TMEM167A: variants seen among roughly 807,000 people sequenced by gnomAD.
TMEM167A encodes the protein transmembrane protein 167A.
A neutral mutation model predicts 11.6 loss-of-function variants in TMEM167A; 8 were observed. That is an observed-to-expected ratio of 0.69 (90% CI 0.40 to 1.24). The LOEUF (loss-of-function observed/expected upper bound fraction) is 1.24. Among genes scored for constraint, TMEM167A ranks in the 50% most tolerant of loss-of-function variants. The pLI is 0.01. For synonymous variants in TMEM167A, 22 were observed against 28.0 expected (o/e 0.79, Z 0.67); for missense variants, 62 against 87.0 (o/e 0.71, Z 1.14).
At chr5:83,062,686 A>G (rs1424720557) in intron 2 of TMEM167A, among the ~76,000 whole-genome samples, 4 of 152,116 alleles carry the variant, frequency 2.6e-5, no homozygotes, top group Non-Finnish European at 4.4e-5. Flanking sequence ...TATCTTAAAA[A>G]ATAACACTAA....
At chr5:83,061,568 A>G (rs1019534917) in intron 3 of TMEM167A, among the ~76,000 whole-genome samples, 2 of 151,986 alleles carry the variant, frequency 1.3e-5, no homozygotes, top group African/African-American at 4.8e-5. Flanking sequence ...ATGCCCAGCT[A>G]ACTTTTAGTA....
intron 3 of TMEM167A, among the ~76,000 whole-genome samples, chr5:83,057,612 GGGGA>G (rs1744350925): frequency 6.6e-6 from 1 of 152,052 alleles, no homozygotes; most frequent in East Asian, 1.9e-4. Flanking sequence ...TACAGGGAAG[GGGGA>G]GCATTCATGG....
chr5:83,057,217 T>C, intron 3 of TMEM167A, 63 bp from the exon 4 acceptor site: 2 of 1,437,742 alleles, frequency 1.4e-6, no homozygotes, highest in Non-Finnish European at 1.9e-6. Context: ...TATGACAAGG[T>C]TATACTACCA....
intron 1 of TMEM167A, among the ~76,000 whole-genome samples, chr5:83,069,192 T>C (rs760315760): frequency 4.6e-5 from 7 of 152,174 alleles, no homozygotes; most frequent in Non-Finnish European, 8.8e-5. Context: ...GTCTTTTAGA[T>C]GTACTCAGAC....
In TMEM167A at chr5:83,059,133, CAA is replaced by C. The variant is rs1486633262; in HGVS notation, c.149-1981_149-1980del. Among the ~76,000 whole-genome samples the C allele has an allele frequency of 2.9e-5, 4 of 138,440 alleles. No individual in the cohort carries two copies. In the East Asian group the frequency reaches 6.3e-4, roughly 22 times the overall value. The allele number at this position is 138,440 out of a possible 152,430, so 90.8% of individuals were successfully genotyped here. On this transcript the variant is annotated intron_variant, in intron 3 of 3. Coordinates refer to ENST00000502346, the MANE Select transcript of TMEM167A (RefSeq NM_174909.5). ...ATTCAACCTATAGCATTCATACAGTCAAGAGAGGAAAATGGAAATAATAAATA... is the reference window on the plus strand; with the variant it reads ...ATTCAACCTATAGCATTCATACAGTCGAGAGGAAAATGGAAATAATAAATA...
rs1473090235 is a variant in TMEM167A at position 83,054,957 on chromosome 5, C to G, written c.*2127G>C. The G allele has an allele frequency of 6.6e-6, 1 of 151,964 alleles. No homozygotes were observed. The highest frequency in any genetic ancestry group is 2.4e-5 in the African/African-American group (1 of 41,408). The allele number at this position is 151,964 out of a possible 1,614,324, so 9.4% of individuals were successfully genotyped here. A position where few individuals can be genotyped will look rare whatever the true frequency, so the allele number is the denominator to read the frequency against. On this transcript the variant is annotated 3_prime_UTR_variant, in exon 4 of 4. Coordinates refer to ENST00000502346, the MANE Select transcript of TMEM167A (RefSeq NM_174909.5). ...TCAATATTCTGTGGGCTTAAAACCA[C>G]CTACACTGCCCCTTGGGTTAGAGAA...
chr5:83,059,203 C>T (rs960992127), intron 3 of TMEM167A, among the ~76,000 whole-genome samples: 1 of 149,810 alleles, frequency 6.7e-6, no homozygotes, highest in East Asian at 2.0e-4. Flanking sequence ...TATTTATACT[C>T]AGACATAAAA....
chr5:83,066,589 A>G (rs1744484778), intron 1 of TMEM167A, among the ~76,000 whole-genome samples: 1 of 152,054 alleles, frequency 6.6e-6, no homozygotes, highest in Non-Finnish European at 1.5e-5. Context: ...GGCATCAAAG[A>G]AAAAAACTGA....
rs569762468 is a variant in TMEM167A, at chr5:83,055,115, T to C, written c.*1969A>G. ...GTCAGAATGGTTGTTGTTACAAATA[T>C]GCTGCCTCCCACTCTGTTTAGCATC... On this transcript the variant is annotated 3_prime_UTR_variant, in exon 4 of 4. Coordinates refer to ENST00000502346, the MANE Select transcript of TMEM167A (RefSeq NM_174909.5). The C allele has an allele frequency of 1.3e-5, 2 of 152,176 alleles. No individual in the cohort carries two copies. Among genetic ancestry groups the C allele is most frequent in the East Asian group, 1.9e-4 (1 of 5,178 alleles). The allele number at this position is 152,176 out of a possible 1,614,324, so 9.4% of individuals were successfully genotyped here. A position where few individuals can be genotyped will look rare whatever the true frequency, so the allele number is the denominator to read the frequency against.
chr5:83,068,587 T>A (rs984141856), intron 1 of TMEM167A, among the ~76,000 whole-genome samples: 1 of 151,396 alleles, frequency 6.6e-6, no homozygotes, highest in Non-Finnish European at 1.5e-5. Context: ...AGGAACGGAG[T>A]CAAACCTTGA....
chr5:83,059,330 T>C lies in TMEM167A; in HGVS notation c.149-2176A>G, dbSNP rs531927921. 2.6e-5 allele frequency among the ~76,000 whole-genome samples: 4 copies of C among 152,204 alleles called. No homozygotes were observed. In the South Asian group the frequency reaches 8.3e-4, roughly 32 times the overall value. ...GGGGCTGTTTGGGCTGGCTACTAAA[T>C]GGAACTGTACACACTTCTCTCATTA... On this transcript the variant is annotated intron_variant, in intron 3 of 3. Transcript: ENST00000502346.
intron 1 of TMEM167A, among the ~76,000 whole-genome samples, chr5:83,073,067 A>C (rs145782131): frequency 6.6e-6 from 1 of 152,286 alleles, no homozygotes; most frequent in Non-Finnish European, 1.5e-5. Context: ...TGTGCAATTA[A>C]TGGTATTGTT....
In TMEM167A at chr5:83,069,232, G is replaced by C. The variant is rs145555154; in HGVS notation, c.4-4115C>G. The stretch of plus-strand genomic sequence containing the variant: ...GTCAAAAGTGTGTTTCTAACTTACG[G>C]ACATTAGCCTGCCACCTATAGCATT... On this transcript the variant is annotated intron_variant, in intron 1 of 3. Transcript: ENST00000502346. Among the ~76,000 whole-genome samples, 11 of 152,230 alleles carry C rather than the reference G, an allele frequency of 7.2e-5. No individual in the cohort carries two copies. In the East Asian group the frequency reaches 2.1e-3, roughly 29 times the overall value.
At chr5:83,073,615 C>T (rs1324543733) in intron 1 of TMEM167A, among the ~76,000 whole-genome samples, 1 of 152,212 alleles carries the variant, frequency 6.6e-6, no homozygotes, top group East Asian at 1.9e-4. Context: ...CATTCCAGTG[C>T]AGAGCACTCA....
At chr5:83,068,789 C>T (rs1437161586) in intron 1 of TMEM167A, among the ~76,000 whole-genome samples, 3 of 152,146 alleles carry the variant, frequency 2.0e-5, no homozygotes, top group Non-Finnish European at 4.4e-5. Context: ...TTTCCTAATG[C>T]AGTATCTAAA....
rs1460117133 is a variant in TMEM167A at position 83,053,732 on chromosome 5, A to G, written c.*3352T>C. On this transcript the variant is annotated 3_prime_UTR_variant, in exon 4 of 4. Transcript: ENST00000502346. ...GGTTATTTCTAGTTCTTAACAGACT[A>G]CTGTGCTTTTGCACAATGCTCTCAA... 1 of 152,044 alleles carries G rather than the reference A, an allele frequency of 6.6e-6. No individual in the cohort carries two copies. Among genetic ancestry groups the G allele is most frequent in the East Asian group, 1.9e-4 (1 of 5,196 alleles). 9.4% of individuals were successfully genotyped at this position (152,044 alleles called of 1,614,324 possible). A position where few individuals can be genotyped will look rare whatever the true frequency, so the allele number is the denominator to read the frequency against.
At position 83,057,220 on chromosome 5, in the gene TMEM167A, T is replaced by C. The variant is rs1744346032; in HGVS notation, c.149-66A>G. On this transcript the variant is annotated intron_variant, in intron 3 of 3. Coordinates refer to ENST00000502346, the MANE Select transcript of TMEM167A (RefSeq NM_174909.5). ...GGCTAACCTGGCTATGACAAGGTTA[T>C]ACTACCATAAGAATCAAGATAACAT... 7.8e-6 allele frequency: 11 copies of C among 1,408,502 alleles called. No individual in the cohort carries two copies. The South Asian group carries it at 1.2e-4, about 15-fold the overall frequency. The allele number at this position is 1,408,502 out of a possible 1,614,324, so 87.3% of individuals were successfully genotyped here.
At chr5:83,073,424 G>T (rs1269122318) in intron 1 of TMEM167A, among the ~76,000 whole-genome samples, 2 of 152,160 alleles carry the variant, frequency 1.3e-5, no homozygotes, top group Non-Finnish European at 1.5e-5. Flanking sequence ...AGTCACAAAA[G>T]CATCACCAAA....
At chr5:83,066,826 A>G (rs1211872413) in intron 1 of TMEM167A, among the ~76,000 whole-genome samples, 1 of 152,004 alleles carries the variant, frequency 6.6e-6, no homozygotes, top group Admixed American at 6.6e-5. Context: ...ATCTCACAAG[A>G]CTGGATTAGT....
Sources: allele counts gnomAD v4.1 joint callset (sites outside exome capture counted in the v4.1 genomes callset), GRCh38; gene constraint gnomAD v4.1.1; transcripts MANE v1.5; gene names NCBI Gene and HGNC (gene_info 2026-07-23, HGNC 2026-07-21).